ERCC5: variants seen among roughly 807,000 people sequenced by gnomAD.
ERCC5 encodes ERCC excision repair 5, endonuclease, also known as DNA excision repair protein ERCC-5.
A neutral mutation model predicts 105.6 loss-of-function variants in ERCC5; 68 were observed. The ratio of observed to expected loss-of-function variants is 0.64; its 90% CI spans 0.53 to 0.79. The LOEUF (loss-of-function observed/expected upper bound fraction) is 0.79. Among genes scored for constraint, ERCC5 ranks in the 30% least tolerant of loss-of-function variants. The pLI is 0.00. For synonymous variants in ERCC5, 546 were observed against 526.2 expected (o/e 1.04, Z -0.51); for missense variants, 1,373 against 1,426.7 (o/e 0.96, Z 0.61).
At chr13:102,852,015 G>A in intron 1 of ERCC5, 103 bp from the exon 2 acceptor site, 1 of 1,285,188 alleles carries the variant, frequency 7.8e-7, no homozygotes, top group South Asian at 1.2e-5. Flanking sequence ...ATAGTGATAA[G>A]TATTTAGTGT....
chr13:102,858,884 A>C (rs1210279536), intron 6 of ERCC5: 1 of 455,968 alleles, frequency 2.2e-6, no homozygotes, highest in African/African-American at 2.0e-5. Context: ...TCACAATGGA[A>C]AAATAAGTTC....
rs60312275 is a variant in ERCC5, at chr13:102,857,843, C to T, written c.529-432C>T. The stretch of plus-strand genomic sequence containing the variant: ...TTTTAGTGGGGTCTTCTTTATCTAT[C>T]AAATAGATCTTTTTTTCCACGTTCT... On this transcript the variant is annotated intron_variant, in intron 5 of 14. Coordinates refer to ENST00000652225, the MANE Select transcript of ERCC5 (RefSeq NM_000123.4). Among the ~76,000 whole-genome samples, 343 of 152,302 alleles carry T rather than the reference C, an allele frequency of 2.3e-3. 1 individual carries two copies. The highest frequency in any genetic ancestry group is 7.3e-3 in the African/African-American group (303 of 41,564).
At chr13:102,852,486 C>T (rs999331604) in intron 2 of ERCC5, among the ~76,000 whole-genome samples, 193 bp downstream of exon 2, 6 of 152,158 alleles carry the variant, frequency 3.9e-5, no homozygotes, top group Non-Finnish European at 8.8e-5. Context: ...GAGAGTTCAT[C>T]ATGGGTACAA....
intron 1 of ERCC5, chr13:102,849,474 C>T (rs979904019): frequency 1.9e-6 from 1 of 517,328 alleles, no homozygotes; most frequent in Non-Finnish European, 3.9e-6. Context: ...ATATGCCTGG[C>T]CCATGGTATT....
chr13:102,872,284 A>T lies in ERCC5; in HGVS notation c.2765A>T (p.Gln922Leu). The T allele has an allele frequency of 6.2e-7, 1 of 1,614,144 alleles. No homozygotes were observed. The highest frequency in any genetic ancestry group is 8.5e-7 in the Non-Finnish European group (1 of 1,180,026). ...TKVKKKLRTL[Q>L]LTPGFPNPAV... is the part of the protein sequence containing the mutation. Reference sequence around the variant, plus strand: ...GTGAAAAAAAAATTACGGACATTGCAACTCACCCCTGGCTTTCCTAACCCA... The same window carrying T: ...GTGAAAAAAAAATTACGGACATTGCTACTCACCCCTGGCTTTCCTAACCCA... Residue 922 changes from glutamine to leucine, a missense_variant, in exon 13 of 15, where the codon CAA (glutamine) becomes CTA (leucine). By Grantham distance (113) the Gln-to-Leu change is moderately radical. This residue lies in a region of ERCC5 where 367 missense variants were observed against 350.2 expected (regional missense o/e 1.05). Transcript: ENST00000652225.
At chr13:102,869,483 T>TAC (rs1289464329) in intron 12 of ERCC5, among the ~76,000 whole-genome samples, 1 of 152,152 alleles carries the variant, frequency 6.6e-6, no homozygotes, top group African/African-American at 2.4e-5. Flanking sequence ...ACATTGCATA[T>TAC]ATATGTATAC....
chr13:102,849,089 T>C (rs1364691017), intron 1 of ERCC5: 9 of 515,152 alleles, frequency 1.7e-5, no homozygotes, highest in Non-Finnish European at 3.5e-5. Context: ...TTTAATCCTA[T>C]GTAATAGTGA....
At position 102,865,874 on chromosome 13, in the gene ERCC5, C is replaced by T. The variant is rs376753356; in HGVS notation, c.2162C>T (p.Ala721Val). The T allele has an allele frequency of 1.4e-5, 22 of 1,614,170 alleles. No individual in the cohort carries two copies. The highest frequency in any genetic ancestry group is 4.5e-5 in the East Asian group (2 of 44,890). ...GAGCCACAGGAAGCTGAGAAAGATG[C>T]GGAAGATTCGCTCCATGAATGGCAA... Reference protein sequence around the residue: ...DGEPQEAEKDAEDSLHEWQDI... With the variant: ...DGEPQEAEKDVEDSLHEWQDI... Residue 721 changes from alanine (A) to valine (V), a missense_variant, in exon 9 of 15, where the codon GCG (alanine) becomes GTG (valine). Physicochemically the swap from Ala to Val is moderately conservative, Grantham distance 64. Around this residue, in one of 3 missense-constraint regions of ERCC5, gnomAD observed 1,004 missense variants for 1,059.7 expected, o/e 0.95. Transcript: ENST00000652225. The surrounding 1 kb of genome is among the most constrained non-coding windows in gnomAD (Gnocchi z 4.0).
intron 9 of ERCC5, 136 bp from the exon 10 acceptor site, chr13:102,866,126 G>C: frequency 6.8e-7 from 1 of 1,475,514 alleles, no homozygotes; most frequent in African/African-American, 1.4e-5. Flanking sequence ...CAGAGTCTTG[G>C]TTAGACATCC....
chr13:102,875,157 G>T, intron 14 of ERCC5, 150 bp from the exon 15 acceptor site: 1 of 855,022 alleles, frequency 1.2e-6, no homozygotes. Flanking sequence ...GTAATTCACT[G>T]GGAGAGAACT....
intron 6 of ERCC5, 117 bp downstream of exon 6, chr13:102,858,535 C>A: frequency 7.1e-7 from 1 of 1,415,460 alleles, no homozygotes; most frequent in Non-Finnish European, 9.9e-7. Context: ...TAACAGTAAA[C>A]AGCATTTCTA....
Position 102,865,481 on chromosome 13 carries a change from A to G in ERCC5, c.1955-186A>G, listed in dbSNP as rs555241033. 114 of 776,630 alleles carry G rather than the reference A, an allele frequency of 1.5e-4. No individual in the cohort carries two copies. In the African/African-American group the frequency reaches 1.8e-3, roughly 13 times the overall value. 48.1% of individuals were successfully genotyped at this position (776,630 alleles called of 1,614,324 possible). On this transcript the variant is annotated intron_variant, in intron 8 of 14. Coordinates refer to ENST00000652225, the MANE Select transcript of ERCC5 (RefSeq NM_000123.4). This position sits in a 1 kb window ranked among gnomAD's most constrained non-coding sequence, Gnocchi z 4.0. ...TACCTAATTGAAAAGGCTTGTTTTG[A>G]AGTTACAGGCATTTGTGATTACATT... is the stretch of plus-strand genomic sequence containing the variant.
rs4150322 is a variant in ERCC5 at position 102,863,340 on chromosome 13, A to G, written c.1954+237A>G. ...AAGGCATGAAGTGCCCTATTTGGGG[A>G]AGGTAAAGTTGAGTTTCCCTCTAGT... On this transcript the variant is annotated intron_variant, in intron 8 of 14. Coordinates refer to ENST00000652225, the MANE Select transcript of ERCC5 (RefSeq NM_000123.4). Among the ~76,000 whole-genome samples the G allele has an allele frequency of 2.0e-5, 3 of 152,272 alleles. No individual in the cohort carries two copies. The South Asian group carries it at 6.2e-4, about 32-fold the overall frequency.
At chr13:102,863,470 C>T (rs1882722657) in intron 8 of ERCC5, among the ~76,000 whole-genome samples, 1 of 152,098 alleles carries the variant, frequency 6.6e-6, no homozygotes, top group Non-Finnish European at 1.5e-5. Flanking sequence ...TAGCATGTTA[C>T]CACATTAGCT....
rs2140528179 is a variant in ERCC5 at position 102,862,726 on chromosome 13, C to T, written c.1577C>T (p.Ser526Phe). 1.9e-6 allele frequency: 3 copies of T among 1,614,204 alleles called. No homozygotes were observed. Among genetic ancestry groups the T allele is most frequent in the Non-Finnish European group, 2.5e-6 (3 of 1,180,036 alleles). Residue 526 changes from serine to phenylalanine, a missense_variant, in exon 8 of 15, where the codon TCT becomes TTT. Ser to Phe is a radical substitution (Grantham distance 155). Around this residue, in one of 3 missense-constraint regions of ERCC5, gnomAD observed 1,004 missense variants for 1,059.7 expected, o/e 0.95. Coordinates refer to ENST00000652225, the MANE Select transcript of ERCC5 (RefSeq NM_000123.4). The stretch of plus-strand genomic sequence containing the variant: ...AATGGAAGGGAACTGACACCGGCAT[C>T]TCCAACTTGTACAAATTCTGTGTCA... ...LPNGRELTPASPTCTNSVSKN... is the reference protein window; with the variant it reads ...LPNGRELTPAFPTCTNSVSKN...
intron 1 of ERCC5, among the ~76,000 whole-genome samples, 158 bp downstream of exon 1, chr13:102,846,512 T>A (rs1881969622): frequency 6.6e-6 from 1 of 152,126 alleles, no homozygotes; most frequent in Non-Finnish European, 1.5e-5. Flanking sequence ...CTAAGTACAG[T>A]CGTCCCTCGG....
intron 4 of ERCC5, 83 bp downstream of exon 4, chr13:102,854,457 A>G: frequency 1.5e-6 from 2 of 1,350,890 alleles, no homozygotes; most frequent in Non-Finnish European, 2.1e-6. Flanking sequence ...TATCTACATG[A>G]TAAGGCATGT....
At chr13:102,872,526 C>A in intron 13 of ERCC5, 128 bp downstream of exon 13, 1 of 1,129,698 alleles carries the variant, frequency 8.9e-7, no homozygotes, top group Non-Finnish European at 1.3e-6. Flanking sequence ...TAATATCCCG[C>A]TCTCCTTTTC....
chr13:102,873,202 T>A (rs974559727), intron 13 of ERCC5, 57 bp from the exon 14 acceptor site: 34 of 1,609,824 alleles, frequency 2.1e-5, no homozygotes, highest in Non-Finnish European at 2.6e-5. Context: ...TGGACCTTTT[T>A]ATTTGTCACT....
Sources: allele counts gnomAD v4.1 joint callset (sites outside exome capture counted in the v4.1 genomes callset), GRCh38; gene constraint gnomAD v4.1.1; regional missense constraint gnomAD v4.1.1; non-coding constraint Gnocchi (gnomAD v3.1); transcripts MANE v1.5; gene names NCBI Gene and HGNC (gene_info 2026-07-23, HGNC 2026-07-21).